SGIP1: variants seen among roughly 807,000 people sequenced by gnomAD.
The protein encoded by SGIP1 is SH3GL interacting endocytic adaptor 1.
In SGIP1, 38 loss-of-function variants were observed where a neutral mutation model predicts 107.5. That is an observed-to-expected ratio of 0.35 (90% confidence interval 0.27 to 0.46). SGIP1 has a LOEUF of 0.46. Ranked by LOEUF, SGIP1 falls within the 20% of genes least tolerant of loss-of-function variation. The pLI is 1.00. For synonymous variants in SGIP1, 365 were observed against 366.1 expected (o/e 1.00, Z 0.03); for missense variants, 929 against 1,019.5 (o/e 0.91, Z 1.21).
chr1:66,656,340 A>C (rs2079773957), intron 7 of SGIP1, among the ~76,000 whole-genome samples: 1 of 152,214 alleles, frequency 6.6e-6, no homozygotes, highest in South Asian at 2.1e-4. Flanking sequence ...TTTTACAGTT[A>C]GTTAACTTGT....
At chr1:66,636,109 C>T in intron 4 of SGIP1, 94 bp downstream of exon 4, 1 of 1,164,066 alleles carries the variant, frequency 8.6e-7, no homozygotes, top group Non-Finnish European at 1.2e-6. Flanking sequence ...CAGTAGTTTT[C>T]ATTTACTCCA....
At chr1:66,715,925 C>T (rs2093213561) in intron 18 of SGIP1, among the ~76,000 whole-genome samples, 1 of 152,024 alleles carries the variant, frequency 6.6e-6, no homozygotes, top group Non-Finnish European at 1.5e-5. Context: ...ATGAATCTGC[C>T]ATGATGATCA....
Position 66,534,225 on chromosome 1 carries a change from T to C in SGIP1, c.-134T>C. The C allele has an allele frequency of 3.3e-6, 3 of 906,614 alleles. No homozygotes were observed. Among genetic ancestry groups the C allele is most frequent in the Non-Finnish European group, 5.4e-6 (3 of 553,292 alleles). The allele number at this position is 906,614 out of a possible 1,614,324, so 56.2% of individuals were successfully genotyped here. A position where few individuals can be genotyped will look rare whatever the true frequency, so the allele number is the denominator to read the frequency against. Reference sequence around the variant, plus strand: ...ATGGCCTGTCTTTTGGCTTAACACTTATCTCCTTTGGCTTTGACAGCGGAC... The same window carrying C: ...ATGGCCTGTCTTTTGGCTTAACACTCATCTCCTTTGGCTTTGACAGCGGAC... On this transcript the variant is annotated 5_prime_UTR_variant, in exon 1 of 25. Transcript: ENST00000371037.
At chr1:66,533,909 G>T (rs1046925348), upstream of SGIP1, among the ~76,000 whole-genome samples, 2 of 151,816 alleles carry the variant, frequency 1.3e-5, no homozygotes, top group Non-Finnish European at 2.9e-5. Flanking sequence ...AGGAGACGAC[G>T]AGGAGGGGCG....
chr1:66,703,576 T>C (rs1036386036), intron 18 of SGIP1, among the ~76,000 whole-genome samples: 1 of 151,552 alleles, frequency 6.6e-6, no homozygotes, highest in Non-Finnish European at 1.5e-5. Context: ...ATATGGAATA[T>C]ATATATCATA....
chr1:66,695,807 T>C (rs1480995538), intron 18 of SGIP1, among the ~76,000 whole-genome samples: 1 of 152,234 alleles, frequency 6.6e-6, no homozygotes, highest in Admixed American at 6.5e-5. Flanking sequence ...AACTTAACTC[T>C]GTCAACCAGG....
At chr1:66,676,893 A>G (rs1242982780) in intron 12 of SGIP1, 111 bp from the exon 13 acceptor site, 4 of 788,096 alleles carry the variant, frequency 5.1e-6, no homozygotes. Flanking sequence ...TTTAGTACTG[A>G]GACAAGAGGA....
At chr1:66,631,057 AAGAAAG>A (rs2074486898) in intron 2 of SGIP1, among the ~76,000 whole-genome samples, 1 of 97,538 alleles carries the variant, frequency 1.0e-5, no homozygotes. Flanking sequence ...GAAAGAAAGA[AAGAAAG>A]AAAGAAAGAA....
At chr1:66,607,575 A>G (rs2067107376) in intron 1 of SGIP1, among the ~76,000 whole-genome samples, 2 of 152,204 alleles carry the variant, frequency 1.3e-5, no homozygotes, top group African/African-American at 2.4e-5. Context: ...AGAGATAGAA[A>G]CAGTACTGCT....
chr1:66,731,591 A>C (rs939383078), intron 20 of SGIP1, among the ~76,000 whole-genome samples: 1 of 152,134 alleles, frequency 6.6e-6, no homozygotes, highest in East Asian at 1.9e-4. Context: ...ACTCTACTTG[A>C]TCACTGTAAC....
chr1:66,607,902 T>C (rs572454716), intron 1 of SGIP1, among the ~76,000 whole-genome samples: 1 of 152,134 alleles, frequency 6.6e-6, no homozygotes, highest in Non-Finnish European at 1.5e-5. Context: ...ACAGACCAGA[T>C]AGAGCAGATG....
intron 17 of SGIP1, among the ~76,000 whole-genome samples, chr1:66,693,940 A>G (rs1171973645): frequency 6.6e-6 from 1 of 152,190 alleles, no homozygotes; most frequent in Non-Finnish European, 1.5e-5. Context: ...GGGACCTTGG[A>G]TTTATACTGT....
Position 66,681,735 on chromosome 1 carries a change from T to A in SGIP1, c.815-134T>A, listed in dbSNP as rs1474086580. The A allele has an allele frequency of 3.6e-6, 3 of 832,934 alleles. No individual in the cohort carries two copies. In the East Asian group the frequency reaches 7.9e-5, roughly 22 times the overall value. The allele number at this position is 832,934 out of a possible 1,614,324, so 51.6% of individuals were successfully genotyped here. On this transcript the variant is annotated intron_variant, in intron 14 of 24. Transcript: ENST00000371037. Reference sequence around the variant, plus strand: ...CCTTAGGCTCCTAATCCAATAAAGATATTTTTACATCATGAAGTATGCCCA... The same window carrying A: ...CCTTAGGCTCCTAATCCAATAAAGAAATTTTTACATCATGAAGTATGCCCA...
At chr1:66,658,264 A>G (rs2080181446) in intron 7 of SGIP1, among the ~76,000 whole-genome samples, 1 of 152,198 alleles carries the variant, frequency 6.6e-6, no homozygotes, top group South Asian at 2.1e-4. Context: ...ACTATTCTGA[A>G]GCATTAGTTT....
chr1:66,661,519 A>G (rs1050129335), intron 8 of SGIP1, among the ~76,000 whole-genome samples: 4 of 152,182 alleles, frequency 2.6e-5, no homozygotes, highest in African/African-American at 9.7e-5. Flanking sequence ...AAATGTCTCA[A>G]AATGTGAGCC....
At chr1:66,538,010 A>G (rs2054038198) in intron 1 of SGIP1, among the ~76,000 whole-genome samples, 1 of 152,192 alleles carries the variant, frequency 6.6e-6, no homozygotes, top group East Asian at 1.9e-4. Context: ...TGTTTTAAAT[A>G]TGAATATTGA....
At chr1:66,667,997 T>A (rs2082951140) in intron 9 of SGIP1, among the ~76,000 whole-genome samples, 2 of 152,218 alleles carry the variant, frequency 1.3e-5, no homozygotes, top group Admixed American at 6.5e-5. Context: ...TAACTTACAA[T>A]GATCAGAATA....
chr1:66,536,708 A>G (rs1189557944), intron 1 of SGIP1, among the ~76,000 whole-genome samples: 1 of 152,108 alleles, frequency 6.6e-6, no homozygotes, highest in Admixed American at 6.5e-5. Context: ...ACATTAGTGG[A>G]CTCTGAGAAT....
chr1:66,575,195 T>C (rs1191326609), intron 1 of SGIP1, among the ~76,000 whole-genome samples: 1 of 152,166 alleles, frequency 6.6e-6, no homozygotes, highest in African/African-American at 2.4e-5. Context: ...TAACAGCAAA[T>C]GGTCTTCCAG....
Sources: gnomAD v4.1 joint callset for allele counts (sites outside exome capture counted in the v4.1 genomes callset) on GRCh38, gnomAD v4.1.1 for gene constraint, MANE v1.5 for transcripts, NCBI Gene and HGNC (gene_info 2026-07-23, HGNC 2026-07-21) for gene names.